The following UBXN4 variants were observed in gnomAD, a reference collection of about 807,000 sequenced individuals.
The protein encoded by UBXN4 is UBX domain protein 4, also known as UBX domain-containing protein 4.
In UBXN4, 35 loss-of-function variants were observed where a neutral mutation model predicts 66.2. That is an observed-to-expected ratio of 0.53 (90% CI 0.40 to 0.70). The LOEUF is 0.70. Among genes scored for constraint, UBXN4 ranks in the 30% least tolerant of loss-of-function variants. UBXN4 has a pLI of 0.00. For missense variants in UBXN4, 533 were observed against 599.8 expected (o/e 0.89, Z 1.16); for synonymous variants, 203 against 204.5 (o/e 0.99, Z 0.06).
chr2:135,771,669 TCTC>T (rs1265385859), intron 8 of UBXN4, among the ~76,000 whole-genome samples: 1 of 152,124 alleles, frequency 6.6e-6, no homozygotes, highest in Non-Finnish European at 1.5e-5. Context: ...TTCAAGCAAT[TCTC>T]CTGTCCCAGG....
At position 135,783,968 on chromosome 2, in the gene UBXN4, CTG is replaced by C. The variant is rs2077468951; in HGVS notation, c.*1084_*1085del. The C allele has an allele frequency of 6.6e-6, 1 of 152,130 alleles. No individual in the cohort carries two copies. The highest frequency in any genetic ancestry group is 2.4e-5 in the African/African-American group (1 of 41,436). The allele number at this position is 152,130 out of a possible 1,614,324, so 9.4% of individuals were successfully genotyped here. On this transcript the variant is annotated 3_prime_UTR_variant, in exon 13 of 13. Transcript: ENST00000272638. Reference sequence around the variant, plus strand: ...ACTCTAGAGTGGACATACGGAAAGACTGTGACTTTATTTTGTAATGGGAGGAA... The same window carrying C: ...ACTCTAGAGTGGACATACGGAAAGACTGACTTTATTTTGTAATGGGAGGAA...
At chr2:135,768,019 A>G (rs1559541888) in intron 6 of UBXN4, among the ~76,000 whole-genome samples, 1 of 152,064 alleles carries the variant, frequency 6.6e-6, no homozygotes, top group Non-Finnish European at 1.5e-5. Context: ...TTGCTGGCAC[A>G]CATTGTTCAG....
At chr2:135,755,202 C>T (rs2077272180) in intron 4 of UBXN4, among the ~76,000 whole-genome samples, 2 of 151,818 alleles carry the variant, frequency 1.3e-5, no homozygotes, top group African/African-American at 2.4e-5. Context: ...GGACGTTATA[C>T]TCAATAATTA....
At chr2:135,748,640 A>G (rs555227460) in intron 2 of UBXN4, among the ~76,000 whole-genome samples, 2 of 151,492 alleles carry the variant, frequency 1.3e-5, no homozygotes, top group African/African-American at 4.8e-5. Flanking sequence ...GGGGAGGATC[A>G]CTTGATCCCT....
rs1478780005 is a variant in UBXN4 at position 135,784,765 on chromosome 2, G to A, written c.*1878G>A. The A allele has an allele frequency of 6.6e-6, 1 of 152,424 alleles. No individual in the cohort carries two copies. The highest frequency in any genetic ancestry group is 1.9e-4 in the East Asian group (1 of 5,192). 9.4% of individuals were successfully genotyped at this position (152,424 alleles called of 1,614,324 possible). A position where few individuals can be genotyped will look rare whatever the true frequency, so the allele number is the denominator to read the frequency against. The stretch of plus-strand genomic sequence containing the variant: ...CGAGTACCTCAAGTCAGTTTGCCTT[G>A]AAAAATATCAAATATAACTCTTAGA... On this transcript the variant is annotated 3_prime_UTR_variant, in exon 13 of 13. Coordinates refer to ENST00000272638, the MANE Select transcript of UBXN4 (RefSeq NM_014607.4).
chr2:135,755,444 A>G, intron 4 of UBXN4, 73 bp from the exon 5 acceptor site: 3 of 1,212,198 alleles, frequency 2.5e-6, no homozygotes, highest in South Asian at 2.5e-5. Flanking sequence ...ATCAACCTGT[A>G]TTTTGGTCTC....
intron 2 of UBXN4, among the ~76,000 whole-genome samples, chr2:135,750,064 T>A (rs1049600243): frequency 6.6e-6 from 1 of 152,240 alleles, no homozygotes; most frequent in Non-Finnish European, 1.5e-5. Context: ...GTGTCTTCCA[T>A]CAGAAGACAG....
At chr2:135,774,204 T>C (rs1433974710) in intron 9 of UBXN4, among the ~76,000 whole-genome samples, 1 of 152,208 alleles carries the variant, frequency 6.6e-6, no homozygotes, top group Non-Finnish European at 1.5e-5. Context: ...AATAAACCCT[T>C]ACATTTATGA....
intron 12 of UBXN4, among the ~76,000 whole-genome samples, chr2:135,782,129 G>C (rs936058733): frequency 2.6e-5 from 4 of 152,194 alleles, no homozygotes; most frequent in African/African-American, 9.7e-5. Flanking sequence ...TCTTAGATTA[G>C]AGCAAAGGAT....
At chr2:135,756,717 C>T (rs1035169123) in intron 5 of UBXN4, among the ~76,000 whole-genome samples, 1 of 152,038 alleles carries the variant, frequency 6.6e-6, no homozygotes, top group Non-Finnish European at 1.5e-5. Flanking sequence ...CACATGTTTC[C>T]CTCTGGTATA....
chr2:135,780,120 A>T lies in UBXN4; in HGVS notation c.1186-63A>T, dbSNP rs1387928201. The T allele has an allele frequency of 1.6e-5, 25 of 1,525,818 alleles. No individual in the cohort carries two copies. The South Asian group carries it at 2.3e-4, about 14-fold the overall frequency. The allele number at this position is 1,525,818 out of a possible 1,614,324, so 94.5% of individuals were successfully genotyped here. On this transcript the variant is annotated intron_variant, in intron 11 of 12. Transcript: ENST00000272638. ...TTTCCAGATAAAAGTTTCATCTGGAACCTTGGGCGTGATGTGATTGTGCTA... is the reference window on the plus strand; with the variant it reads ...TTTCCAGATAAAAGTTTCATCTGGATCCTTGGGCGTGATGTGATTGTGCTA...
chr2:135,774,501 A>G lies in UBXN4; in HGVS notation c.951-1748A>G, dbSNP rs183636612. ...AGGAACAAAATTTAAAAATAGGTAAATCGCACTTCCAAAATTTAAAACTTT... is the reference window on the plus strand; with the variant it reads ...AGGAACAAAATTTAAAAATAGGTAAGTCGCACTTCCAAAATTTAAAACTTT... On this transcript the variant is annotated intron_variant, in intron 9 of 12. Transcript: ENST00000272638. Among the ~76,000 whole-genome samples the G allele has an allele frequency of 2.5e-4, 38 of 152,300 alleles. No homozygotes were observed. In the East Asian group the frequency reaches 5.8e-3, roughly 23 times the overall value.
At position 135,784,720 on chromosome 2, in the gene UBXN4, A is replaced by G. The variant is rs1001286750; in HGVS notation, c.*1833A>G. On this transcript the variant is annotated 3_prime_UTR_variant, in exon 13 of 13. Transcript: ENST00000272638. ...AGGTGTGACCCTACTAATAATTATTAGAAATACATTTAAAAACATCGAGTA... is the reference window on the plus strand; with the variant it reads ...AGGTGTGACCCTACTAATAATTATTGGAAATACATTTAAAAACATCGAGTA... The G allele has an allele frequency of 6.5e-6, 1 of 152,690 alleles. No homozygotes were observed. The highest frequency in any genetic ancestry group is 2.4e-5 in the African/African-American group (1 of 41,472). The allele number at this position is 152,690 out of a possible 1,614,324, so 9.5% of individuals were successfully genotyped here. A position where few individuals can be genotyped will look rare whatever the true frequency, so the allele number is the denominator to read the frequency against.
Position 135,754,161 on chromosome 2 carries a change from C to A in UBXN4, c.217C>A (p.Pro73Thr). ...EACLQFSQIY[P>T]VVCVPSSFFI... ...TTAGACTTCATTAAACTGTACAGATCCTGTAGTGTGTGTTCCATCCAGTTT... is the reference window on the plus strand; with the variant it reads ...TTAGACTTCATTAAACTGTACAGATACTGTAGTGTGTGTTCCATCCAGTTT... Residue 73 changes from proline (P) to threonine (T), a missense_variant and splice_region_variant, in exon 4 of 13, where the codon CCT becomes ACT. Physicochemically the swap from Pro to Thr is conservative, Grantham distance 38 (BLOSUM62 -1). Around this residue, in one of 2 missense-constraint regions of UBXN4, gnomAD observed 529 missense variants for 580.1 expected, o/e 0.91. Transcript: ENST00000272638. 1 of 1,609,088 alleles carries A rather than the reference C, an allele frequency of 6.2e-7. No homozygotes were observed.
At chr2:135,770,816 A>C in intron 8 of UBXN4, 81 bp downstream of exon 8, 3 of 1,265,378 alleles carry the variant, frequency 2.4e-6, no homozygotes, top group Middle Eastern at 2.1e-4. Context: ...CTGTGCACAC[A>C]AAAATAGATT....
At chr2:135,774,065 TAAAAC>T (rs903679821) in intron 9 of UBXN4, among the ~76,000 whole-genome samples, 21 of 152,306 alleles carry the variant, frequency 1.4e-4, no homozygotes, top group Admixed American at 3.3e-4. Context: ...ACACAATAGT[TAAAAC>T]AAACTGGAAA....
At chr2:135,747,783 C>T (rs937119044) in intron 1 of UBXN4, 8 of 423,562 alleles carry the variant, frequency 1.9e-5, no homozygotes, top group Non-Finnish European at 3.3e-5. Flanking sequence ...TACAGGCATG[C>T]GCCACCACAC....
At chr2:135,777,719 C>G (rs542133751) in intron 10 of UBXN4, among the ~76,000 whole-genome samples, 9 of 150,078 alleles carry the variant, frequency 6.0e-5, no homozygotes, top group African/African-American at 2.2e-4. Context: ...CCCATCTATT[C>G]TAAAAATACA....
intron 7 of UBXN4, among the ~76,000 whole-genome samples, 177 bp downstream of exon 7, chr2:135,770,000 C>A (rs1274553924): frequency 2.0e-5 from 3 of 151,930 alleles, no homozygotes; most frequent in African/African-American, 7.3e-5. Flanking sequence ...TTTTTGTGTT[C>A]TTTTCGTAAA....
Sources: allele counts gnomAD v4.1 joint callset (sites outside exome capture counted in the v4.1 genomes callset), GRCh38; gene constraint gnomAD v4.1.1; regional missense constraint gnomAD v4.1.1; transcripts MANE v1.5; gene names NCBI Gene and HGNC (gene_info 2026-07-23, HGNC 2026-07-21).